PCDHGB4: variants seen among roughly 807,000 people sequenced by gnomAD.
PCDHGB4 encodes protocadherin gamma-B4.
In PCDHGB4, 38 loss-of-function variants were observed where a neutral mutation model predicts 60.5. That is an observed-to-expected ratio of 0.63 (90% CI 0.48 to 0.82). The LOEUF (loss-of-function observed/expected upper bound fraction) is 0.82, where lower values mean the gene tolerates loss of function less well. PCDHGB4 is among the 40% of genes least tolerant of loss of function. The pLI is 0.00. For missense variants in PCDHGB4, 1,109 were observed against 1,209.6 expected, an observed-to-expected ratio of 0.92 and a Z score of 1.23; for synonymous variants, 456 against 509.7, an observed-to-expected ratio of 0.89 and a Z score of 1.42.
At chr5:141,494,763 C>T in intron 1 of PCDHGB4, 44 bp from the exon 2 acceptor site, 4 of 1,613,926 alleles carry the variant, frequency 2.5e-6, no homozygotes, top group Admixed American at 1.7e-5. Context: ...GACATTCTAA[C>T]TTCTCACGGG....
rs754835805 is a variant in PCDHGB4 at position 141,415,008 on chromosome 5, T to C, written c.2397+24727T>C. ...GCCAGAACGCCTGGCTGTCCTACCGTCTGCTCAAGGCCAGCGAGCCGGGAC... is the reference window on the plus strand; with the variant it reads ...GCCAGAACGCCTGGCTGTCCTACCGCCTGCTCAAGGCCAGCGAGCCGGGAC... On this transcript the variant is annotated intron_variant, in intron 1 of 3. Transcript: ENST00000519479. 3.1e-6 allele frequency: 5 copies of C among 1,613,636 alleles called. No individual in the cohort carries two copies. The South Asian group carries it at 3.3e-5, about 11-fold the overall frequency.
At position 141,494,824 on chromosome 5, in the gene PCDHGB4, G is replaced by C; in HGVS notation, c.2415G>C (p.Thr805=). 6.2e-7 allele frequency: 1 copy of C among 1,614,042 alleles called. No individual in the cohort carries two copies. Among genetic ancestry groups the C allele is most frequent in the East Asian group, 2.2e-5 (1 of 44,866 alleles). The change falls in exon 2 of 4, where the codon ACG becomes ACC. Residue 805 remains threonine, a synonymous_variant. Transcript: ENST00000519479. The part of the protein sequence containing the change: ...LTSHQQAPPN[T]DWRFSQAQRP... ...CTCCACAGCAAGCCCCGCCCAACAC[G>C]GACTGGCGTTTCTCTCAGGCCCAGA...
intron 1 of PCDHGB4, among the ~76,000 whole-genome samples, chr5:141,480,874 G>A (rs1487409799): frequency 2.6e-5 from 4 of 151,950 alleles, no homozygotes; most frequent in African/African-American, 7.3e-5. Context: ...GTGAAACCCC[G>A]TCTCTACTAA....
chr5:141,465,697 T>C (rs1386528821), intron 1 of PCDHGB4, among the ~76,000 whole-genome samples: 2 of 152,200 alleles, frequency 1.3e-5, no homozygotes, highest in African/African-American at 4.8e-5. Context: ...TGCTTTTGCA[T>C]TGGTCAAATG....
intron 1 of PCDHGB4, chr5:141,421,347 C>G: frequency 6.2e-7 from 1 of 1,613,948 alleles, no homozygotes; most frequent in Non-Finnish European, 8.5e-7. Flanking sequence ...CAGAAGAGAC[C>G]GAAAAGGGCT....
In PCDHGB4 at chr5:141,390,002, T is replaced by A. The variant is rs1263938438; in HGVS notation, c.2118T>A (p.Ile706=). 1 of 1,614,038 alleles carries A rather than the reference T, an allele frequency of 6.2e-7. No individual in the cohort carries two copies. The highest frequency in any genetic ancestry group is 2.2e-5 in the East Asian group (1 of 44,876). Residue 706 remains isoleucine (I), a synonymous_variant, in exon 1 of 4, where the codon ATT becomes ATA. Coordinates refer to ENST00000519479, the MANE Select transcript of PCDHGB4 (RefSeq NM_003736.4). ...CAGTGCTCTTCCTCGTGGCCATGAT[T>A]CTGGCCATTGCCTTGCGCCTGCGAC... ...LISVLFLVAM[I]LAIALRLRRS...
intron 1 of PCDHGB4, chr5:141,395,894 C>G (rs768471284): frequency 1.3e-5 from 2 of 152,020 alleles, no homozygotes; most frequent in Non-Finnish European, 2.9e-5. Flanking sequence ...CACCTGGGCT[C>G]CATGCCCATG....
At chr5:141,414,439 T>A in intron 1 of PCDHGB4, 1 of 1,613,874 alleles carries the variant, frequency 6.2e-7, no homozygotes, top group East Asian at 2.2e-5. Context: ...GGTATCCTCT[T>A]ACAATATCAC....
chr5:141,391,775 A>T (rs996921581), intron 1 of PCDHGB4: 1 of 152,210 alleles, frequency 6.6e-6, no homozygotes, highest in Non-Finnish European at 1.5e-5. Flanking sequence ...TTATATAGTC[A>T]TTACTTTTTG....
rs1206130340 is a variant in PCDHGB4, at chr5:141,473,814, G to A, written c.2398-20993G>A. On this transcript the variant is annotated intron_variant, in intron 1 of 3. Coordinates refer to ENST00000519479, the MANE Select transcript of PCDHGB4 (RefSeq NM_003736.4). ...GTATGATGCTACTGAGGAGCAGCTG[G>A]ACAATTGTGTGATCCAATTAAAATT... Among the ~76,000 whole-genome samples, 5 of 152,188 alleles carry A rather than the reference G, an allele frequency of 3.3e-5. No individual in the cohort carries two copies. The East Asian group carries it at 9.6e-4, about 29-fold the overall frequency.
chr5:141,414,357 A>G, intron 1 of PCDHGB4: 3 of 1,613,888 alleles, frequency 1.9e-6, no homozygotes, highest in Non-Finnish European at 2.5e-6. Flanking sequence ...TGGCGTATCT[A>G]CCATTTAAAT....
intron 1 of PCDHGB4, chr5:141,424,460 C>T (rs2096822106): frequency 6.6e-6 from 1 of 152,056 alleles, no homozygotes; most frequent in African/African-American, 2.4e-5. Context: ...GTATTATTTC[C>T]TTTTATTCTT....
At chr5:141,418,026 T>A (rs2154547454) in intron 1 of PCDHGB4, 1 of 1,613,962 alleles carries the variant, frequency 6.2e-7, no homozygotes, top group East Asian at 2.2e-5. Context: ...GATCTAGGGC[T>A]TAGTGTCCTG....
At chr5:141,492,509 C>T (rs1276866000) in intron 1 of PCDHGB4, among the ~76,000 whole-genome samples, 1 of 152,216 alleles carries the variant, frequency 6.6e-6, no homozygotes, top group African/African-American at 2.4e-5. Context: ...CCGGAGCCTC[C>T]TCTCACCTCT....
chr5:141,495,642 C>T (rs1294293252), intron 2 of PCDHGB4, among the ~76,000 whole-genome samples: 1 of 152,208 alleles, frequency 6.6e-6, no homozygotes. Flanking sequence ...TTTCATTTGT[C>T]TACTTGCATT....
At chr5:141,391,107 T>C (rs1225302584) in intron 1 of PCDHGB4, 1 of 152,098 alleles carries the variant, frequency 6.6e-6, no homozygotes, top group African/African-American at 2.4e-5. Context: ...CCTAAACTAA[T>C]ATAGCTAGAG....
In PCDHGB4 at chr5:141,476,012, T is replaced by C. The variant is rs2099383969; in HGVS notation, c.2398-18795T>C. The stretch of plus-strand genomic sequence containing the variant: ...CAAATCAACGGCATCCAGAAAGCCA[T>C]GTCGGACTCGGCGCCCAGCGCCCAA... On this transcript the variant is annotated intron_variant, in intron 1 of 3. Coordinates refer to ENST00000519479, the MANE Select transcript of PCDHGB4 (RefSeq NM_003736.4). This position sits in a 1 kb window ranked among gnomAD's most constrained non-coding sequence, Gnocchi z 7.6. 7.6e-7 allele frequency: 1 copy of C among 1,317,178 alleles called. No individual in the cohort carries two copies. The highest frequency in any genetic ancestry group is 1.4e-5 in the South Asian group (1 of 69,696). The allele number at this position is 1,317,178 out of a possible 1,614,324, so 81.6% of individuals were successfully genotyped here. A position where few individuals can be genotyped will look rare whatever the true frequency, so the allele number is the denominator to read the frequency against.
At position 141,430,677 on chromosome 5, in the gene PCDHGB4, T is replaced by C. The variant is rs888907330; in HGVS notation, c.2397+40396T>C. On this transcript the variant is annotated intron_variant, in intron 1 of 3. Coordinates refer to ENST00000519479, the MANE Select transcript of PCDHGB4 (RefSeq NM_003736.4). ...AACGGAGGAGCTCTGACTTCCCAAC[T>C]GTCCCATTCTATGGGCGAAGGAACT... 1.2e-5 allele frequency: 15 copies of C among 1,303,020 alleles called. No individual in the cohort carries two copies. In the African/African-American group the frequency reaches 2.1e-4, roughly 18 times the overall value. The allele number at this position is 1,303,020 out of a possible 1,614,324, so 80.7% of individuals were successfully genotyped here. A position where few individuals can be genotyped will look rare whatever the true frequency, so the allele number is the denominator to read the frequency against.
In PCDHGB4 at chr5:141,489,362, C is replaced by T. The variant is rs1562129544; in HGVS notation, c.2398-5445C>T. 8 of 1,613,052 alleles carry T rather than the reference C, an allele frequency of 5.0e-6. No individual in the cohort carries two copies. Among genetic ancestry groups the T allele is most frequent in the South Asian group, 2.2e-5 (2 of 90,970 alleles). On this transcript the variant is annotated intron_variant, in intron 1 of 3. Coordinates refer to ENST00000519479, the MANE Select transcript of PCDHGB4 (RefSeq NM_003736.4). The surrounding 1 kb of genome is among the most constrained non-coding windows in gnomAD (Gnocchi z 4.5). ...TACTCAGTGGTGGAGGAGTCTGAGC[C>T]GGGGACGCTGGTGGGGAATGTTGCT...
Sources: allele counts gnomAD v4.1 joint callset (sites outside exome capture counted in the v4.1 genomes callset), GRCh38; gene constraint gnomAD v4.1.1; non-coding constraint Gnocchi (gnomAD v3.1); transcripts MANE v1.5; gene names NCBI Gene and HGNC (gene_info 2026-07-23, HGNC 2026-07-21).